The following PTPRD variants were observed in gnomAD, a reference collection of about 807,000 sequenced individuals.
PTPRD encodes protein tyrosine phosphatase receptor type D, also known as receptor-type tyrosine-protein phosphatase delta.
A neutral mutation model predicts 214.5 loss-of-function variants in PTPRD; 34 were observed. The ratio of observed to expected loss-of-function variants is 0.16; its 90% CI spans 0.12 to 0.21. PTPRD has a LOEUF of 0.21. Among genes scored for constraint, PTPRD ranks in the 10% least tolerant of loss-of-function variants. PTPRD has a pLI of 1.00. For missense variants in PTPRD, 2,545 were observed against 2,398.7 expected (o/e 1.06, Z -1.27); for synonymous variants, 1,128 against 845.7 (o/e 1.33, Z -5.79).
Position 9,511,993 on chromosome 9 carries a change from G to A in PTPRD, c.-237+62739C>T, listed in dbSNP as rs1414610776. Among the ~76,000 whole-genome samples the A allele has an allele frequency of 2.0e-5, 3 of 151,690 alleles. No homozygotes were observed. In the East Asian group the frequency reaches 5.8e-4, roughly 29 times the overall value. On this transcript the variant is annotated intron_variant, in intron 8 of 45. Transcript: ENST00000381196. ...AATCTAGGAAATAGGTCATAAATGC[G>A]ACTTACAGAAAAAAATCCCATCTAG...
intron 4 of PTPRD, among the ~76,000 whole-genome samples, chr9:9,953,653 A>T (rs540431715): frequency 1.3e-5 from 2 of 152,246 alleles, no homozygotes; most frequent in East Asian, 3.9e-4. Context: ...AGTCTGTGAT[A>T]TTGGTTTATC....
intron 14 of PTPRD, among the ~76,000 whole-genome samples, chr9:8,623,981 C>T (rs2095912914): frequency 6.6e-6 from 1 of 151,918 alleles, no homozygotes; most frequent in South Asian, 2.1e-4. Flanking sequence ...TCTTCTGCTT[C>T]TTCTAAAATA....
chr9:10,433,406 A>G (rs1166104897), intron 2 of PTPRD, among the ~76,000 whole-genome samples: 1 of 151,988 alleles, frequency 6.6e-6, no homozygotes, highest in Non-Finnish European at 1.5e-5. Flanking sequence ...GTTTCAGGAC[A>G]TAGTTCAAGG....
intron 6 of PTPRD, among the ~76,000 whole-genome samples, chr9:9,760,558 T>C (rs1454785391): frequency 1.3e-5 from 2 of 149,932 alleles, no homozygotes; most frequent in African/African-American, 2.5e-5. Context: ...GTCTGGACTT[T>C]GAGAGATCTC....
intron 31 of PTPRD, among the ~76,000 whole-genome samples, chr9:8,467,571 A>C (rs1230006891): frequency 6.6e-6 from 1 of 151,832 alleles, no homozygotes; most frequent in Non-Finnish European, 1.5e-5. Context: ...CAATTACTGA[A>C]ATAAAATGAA....
chr9:10,417,222 C>T (rs892738851), intron 2 of PTPRD, among the ~76,000 whole-genome samples: 7 of 151,902 alleles, frequency 4.6e-5, no homozygotes, highest in African/African-American at 1.7e-4. Context: ...CAATCAAGTT[C>T]TATTAAGACA....
chr9:10,561,403 C>T (rs927611912), intron 2 of PTPRD, among the ~76,000 whole-genome samples: 44 of 152,088 alleles, frequency 2.9e-4, no homozygotes, highest in African/African-American at 9.9e-4. Flanking sequence ...TTTTAATGAT[C>T]AGTGTTGAAT....
At chr9:10,224,826 T>A (rs1037737694) in intron 3 of PTPRD, among the ~76,000 whole-genome samples, 2 of 152,050 alleles carry the variant, frequency 1.3e-5, no homozygotes, top group African/African-American at 4.8e-5. Context: ...GATCCACCTC[T>A]ACTTAACAGC....
At chr9:10,556,658 A>T (rs923127242) in intron 2 of PTPRD, among the ~76,000 whole-genome samples, 9 of 152,112 alleles carry the variant, frequency 5.9e-5, no homozygotes, top group African/African-American at 2.2e-4. Context: ...TATTTTGTTG[A>T]CAATTATTTT....
intron 9 of PTPRD, among the ~76,000 whole-genome samples, chr9:9,316,210 C>G (rs1288494968): frequency 6.6e-6 from 1 of 151,912 alleles, no homozygotes; most frequent in Non-Finnish European, 1.5e-5. Context: ...AAGCATGATT[C>G]TCCACCCCTA....
At chr9:9,439,971 G>C (rs1294371284) in intron 8 of PTPRD, among the ~76,000 whole-genome samples, 1 of 152,114 alleles carries the variant, frequency 6.6e-6, no homozygotes, top group Admixed American at 6.5e-5. Flanking sequence ...CCATCATCAT[G>C]ACATAGTAAA....
chr9:10,358,620 A>G (rs2097321483), intron 2 of PTPRD, among the ~76,000 whole-genome samples: 1 of 151,972 alleles, frequency 6.6e-6, no homozygotes, highest in Non-Finnish European at 1.5e-5. Flanking sequence ...TTAGAAAAAG[A>G]TATCCTGTGT....
At chr9:8,463,142 G>A (rs1340506662) in intron 32 of PTPRD, among the ~76,000 whole-genome samples, 1 of 151,464 alleles carries the variant, frequency 6.6e-6, no homozygotes, top group African/African-American at 2.4e-5. Context: ...AATGAGCTTG[G>A]CCATCAAGCA....
intron 36 of PTPRD, among the ~76,000 whole-genome samples, chr9:8,394,128 G>C (rs1397701628): frequency 6.6e-6 from 1 of 151,762 alleles, no homozygotes; most frequent in African/African-American, 2.4e-5. Context: ...AATGAGCCTG[G>C]ATACAGACTT....
chr9:9,128,651 G>A (rs1453704489), intron 10 of PTPRD, among the ~76,000 whole-genome samples: 2 of 152,154 alleles, frequency 1.3e-5, no homozygotes, highest in African/African-American at 2.4e-5. Context: ...CTTTTTGAGT[G>A]TTCATGTATA....
chr9:9,182,170 C>T (rs1271999986), intron 10 of PTPRD, among the ~76,000 whole-genome samples: 4 of 152,024 alleles, frequency 2.6e-5, no homozygotes, highest in African/African-American at 9.7e-5. Context: ...CTACAATCTT[C>T]GTTATCTCTT....
At chr9:8,896,895 AG>A (rs2098619010) in intron 11 of PTPRD, among the ~76,000 whole-genome samples, 1 of 152,202 alleles carries the variant, frequency 6.6e-6, no homozygotes, top group Non-Finnish European at 1.5e-5. Flanking sequence ...TAAAAATAAA[AG>A]CATACCTACA....
At chr9:8,854,863 A>T (rs933624402) in intron 11 of PTPRD, among the ~76,000 whole-genome samples, 1 of 152,180 alleles carries the variant, frequency 6.6e-6, no homozygotes, top group Non-Finnish European at 1.5e-5. Context: ...TGCAAATAAC[A>T]TCCTTATCAG....
intron 11 of PTPRD, among the ~76,000 whole-genome samples, chr9:8,935,756 C>G (rs1415825345): frequency 6.6e-6 from 1 of 152,294 alleles, no homozygotes; most frequent in East Asian, 1.9e-4. Flanking sequence ...TTTCAAAAGG[C>G]CTTCCAAAGA....
Sources: gnomAD v4.1 joint callset for allele counts (sites outside exome capture counted in the v4.1 genomes callset) on GRCh38, gnomAD v4.1.1 for gene constraint, MANE v1.5 for transcripts, NCBI Gene and HGNC (gene_info 2026-07-23, HGNC 2026-07-21) for gene names.